LSAMP: variants seen among roughly 807,000 people sequenced by gnomAD.
LSAMP encodes the protein limbic system-associated membrane protein.
Under a neutral mutation model 38.6 loss-of-function variants are expected in LSAMP, and 7 were observed. That is an observed-to-expected ratio of 0.18 (90% CI 0.10 to 0.34). LSAMP has a LOEUF of 0.34. LSAMP is among the 10% of genes least tolerant of loss of function. LSAMP has a pLI of 1.00. For missense variants in LSAMP, 313 were observed against 420.0 expected (o/e 0.75, Z 2.23); for synonymous variants, 154 against 166.8 (o/e 0.92, Z 0.59).
intron 2 of LSAMP, among the ~76,000 whole-genome samples, chr3:116,034,396 T>C (rs1052535552): frequency 3.9e-5 from 6 of 152,150 alleles, no homozygotes; most frequent in African/African-American, 1.4e-4. Context: ...TCCCTGTCTG[T>C]TCCTCTACCC....
intron 1 of LSAMP, among the ~76,000 whole-genome samples, chr3:116,186,872 G>T (rs1048661432): frequency 2.0e-5 from 3 of 152,112 alleles, no homozygotes; most frequent in Non-Finnish European, 4.4e-5. Context: ...ATTCAAGTCT[G>T]TGGCTTTGAA....
In LSAMP at chr3:116,415,592, G is replaced by A. The variant is rs115021191; in HGVS notation, c.155+29285C>T. On this transcript the variant is annotated intron_variant, in intron 1 of 6. Transcript: ENST00000490035. Reference sequence around the variant, plus strand: ...TTACCCAGATCATCTTGGTTTTCTCGTTTCATCTTGGAGAGAGCTTGGCAT... The same window carrying A: ...TTACCCAGATCATCTTGGTTTTCTCATTTCATCTTGGAGAGAGCTTGGCAT... 8.9e-3 allele frequency among the ~76,000 whole-genome samples: 1,361 copies of A among 152,208 alleles called. 23 individuals carry two copies. Among genetic ancestry groups the A allele is most frequent in the African/African-American group, 0.031 (1,292 of 41,530 alleles).
chr3:115,861,321 G>A (rs951357623), intron 3 of LSAMP, among the ~76,000 whole-genome samples: 5 of 152,118 alleles, frequency 3.3e-5, no homozygotes, highest in African/African-American at 1.2e-4. Flanking sequence ...CTCAGTGCCT[G>A]TTTCTTGACA....
intron 3 of LSAMP, among the ~76,000 whole-genome samples, chr3:116,002,322 G>T (rs1373100605): frequency 6.6e-6 from 1 of 152,014 alleles, no homozygotes; most frequent in Non-Finnish European, 1.5e-5. Context: ...TGAAGTTAGA[G>T]CATAAAAGGA....
At chr3:116,273,311 C>A (rs2046998791) in intron 1 of LSAMP, among the ~76,000 whole-genome samples, 1 of 151,898 alleles carries the variant, frequency 6.6e-6, no homozygotes, top group Non-Finnish European at 1.5e-5. Context: ...CCACACTCTA[C>A]CTAGTTCTTT....
chr3:116,391,490 C>T (rs1441047441), intron 1 of LSAMP, among the ~76,000 whole-genome samples: 2 of 152,136 alleles, frequency 1.3e-5, no homozygotes, highest in African/African-American at 4.8e-5. Context: ...CCCTGGGAGA[C>T]TTCTGGAGCC....
chr3:116,052,677 T>G (rs1408898162), intron 2 of LSAMP, among the ~76,000 whole-genome samples: 2 of 152,190 alleles, frequency 1.3e-5, no homozygotes, highest in African/African-American at 2.4e-5. Context: ...TGCTAGCTAC[T>G]AGTTCCCAGG....
At chr3:116,041,628 A>G (rs1941172262) in intron 2 of LSAMP, among the ~76,000 whole-genome samples, 1 of 151,644 alleles carries the variant, frequency 6.6e-6, no homozygotes, top group South Asian at 2.1e-4. Flanking sequence ...TGCCATAGAG[A>G]TGTGTACCAT....
At chr3:116,186,193 T>G (rs1406032995) in intron 1 of LSAMP, among the ~76,000 whole-genome samples, 1 of 152,140 alleles carries the variant, frequency 6.6e-6, no homozygotes. Flanking sequence ...GGCTGCCAGA[T>G]GAAGTCTTCA....
In LSAMP at chr3:115,856,628, AAAAAG is replaced by A. The variant is rs1161595620; in HGVS notation, c.515-4016_515-4012del. Among the ~76,000 whole-genome samples, 421 of 152,018 alleles carry A rather than the reference AAAAAG, an allele frequency of 2.8e-3. 2 individuals carry two copies. Among genetic ancestry groups the A allele is most frequent in the Non-Finnish European group, 4.6e-3 (313 of 67,968 alleles). On this transcript the variant is annotated intron_variant, in intron 3 of 6. Transcript: ENST00000490035. ...AGCAAGACTCCATCTCAAAAAAAAA[AAAAAG>A]AAAAGAAAACAGAAACTCCAGAGAG...
At chr3:116,211,142 A>C (rs2046151354) in intron 1 of LSAMP, among the ~76,000 whole-genome samples, 1 of 152,188 alleles carries the variant, frequency 6.6e-6, no homozygotes, top group Non-Finnish European at 1.5e-5. Flanking sequence ...AAAAAATGCT[A>C]AACTCATAGA....
intron 1 of LSAMP, among the ~76,000 whole-genome samples, chr3:116,301,367 T>C (rs2047406173): frequency 2.0e-5 from 3 of 152,170 alleles, no homozygotes; most frequent in Admixed American, 2.0e-4. Context: ...TTCAACCCTC[T>C]GTACCTGACA....
chr3:115,855,024 T>C (rs1226327288), intron 3 of LSAMP, among the ~76,000 whole-genome samples: 2 of 152,172 alleles, frequency 1.3e-5, no homozygotes, highest in African/African-American at 4.8e-5. Context: ...TAATCTTGGT[T>C]GGGGACAGAG....
intron 1 of LSAMP, among the ~76,000 whole-genome samples, chr3:116,109,026 A>T (rs1343055269): frequency 4.0e-5 from 6 of 151,298 alleles, no homozygotes; most frequent in Non-Finnish European, 8.8e-5. Flanking sequence ...TAAAATGTAT[A>T]TTGAGAATAA....
chr3:116,074,734 C>T (rs1049080715), intron 2 of LSAMP, among the ~76,000 whole-genome samples: 1 of 151,846 alleles, frequency 6.6e-6, no homozygotes, highest in Non-Finnish European at 1.5e-5. Context: ...TTTGCATTTC[C>T]TTGATTATTA....
At chr3:115,893,058 A>G (rs574650112) in intron 3 of LSAMP, among the ~76,000 whole-genome samples, 1 of 152,062 alleles carries the variant, frequency 6.6e-6, no homozygotes, top group Non-Finnish European at 1.5e-5. Flanking sequence ...CAGAAAACCA[A>G]ACACTGCATG....
intron 2 of LSAMP, among the ~76,000 whole-genome samples, chr3:116,044,364 C>T (rs1941245147): frequency 6.6e-6 from 1 of 152,088 alleles, no homozygotes; most frequent in Non-Finnish European, 1.5e-5. Context: ...TGTTTCCTCC[C>T]ATTTAGCACA....
At chr3:116,279,936 TA>T (rs2047107081) in intron 1 of LSAMP, among the ~76,000 whole-genome samples, 2 of 152,242 alleles carry the variant, frequency 1.3e-5, no homozygotes, top group Non-Finnish European at 2.9e-5. Context: ...TACTATTATT[TA>T]AGTTCAATAC....
At chr3:115,928,683 G>T (rs560010515) in intron 3 of LSAMP, among the ~76,000 whole-genome samples, 6 of 149,914 alleles carry the variant, frequency 4.0e-5, no homozygotes, top group African/African-American at 1.5e-4. Context: ...GAGTGCAGGG[G>T]GTGAGGAGGG....
Sources: allele counts gnomAD v4.1 joint callset (sites outside exome capture counted in the v4.1 genomes callset), GRCh38; gene constraint gnomAD v4.1.1; transcripts MANE v1.5; gene names NCBI Gene and HGNC (gene_info 2026-07-23, HGNC 2026-07-21).